Variants in LLGL2 observed in about 807,000 individuals in gnomAD.
LLGL2 encodes the protein LLGL2, scribble cell polarity complex component.
A neutral mutation model predicts 123.2 loss-of-function variants in LLGL2; 81 were observed. That is an observed-to-expected ratio of 0.66 (90% CI 0.55 to 0.79). The LOEUF is 0.79. Among genes scored for constraint, LLGL2 ranks in the 30% least tolerant of loss-of-function variants. The pLI is 0.00. For synonymous variants in LLGL2, 577 were observed against 594.1 expected (o/e 0.97, Z 0.42); for missense variants, 1,273 against 1,414.6 (o/e 0.90, Z 1.61).
At chr17:75,529,091 G>C (rs1044286159) in intron 1 of LLGL2, among the ~76,000 whole-genome samples, 3 of 151,860 alleles carry the variant, frequency 2.0e-5, no homozygotes, top group African/African-American at 7.3e-5. Flanking sequence ...AGGAGGCAGA[G>C]GTTGCAGTGA....
rs576933987 is a variant in LLGL2, at chr17:75,544,364, G to C, written c.75+863G>C. The stretch of plus-strand genomic sequence containing the variant: ...CATGTGGCTTTCGTTGGGGGCTTCC[G>C]TTTGGGCTCCCCTGCCCCCGAAAGG... On this transcript the variant is annotated intron_variant, in intron 2 of 25. Coordinates refer to ENST00000392550, the MANE Select transcript of LLGL2 (RefSeq NM_001031803.2). This position sits in a 1 kb window ranked among gnomAD's most constrained non-coding sequence, Gnocchi z 4.2. 6.6e-6 allele frequency among the ~76,000 whole-genome samples: 1 copy of C among 152,182 alleles called. No individual in the cohort carries two copies. The highest frequency in any genetic ancestry group is 1.9e-4 in the East Asian group (1 of 5,186).
At chr17:75,560,019 G>A (rs1326343920) in intron 6 of LLGL2, among the ~76,000 whole-genome samples, 3 of 152,216 alleles carry the variant, frequency 2.0e-5, no homozygotes, top group Admixed American at 6.5e-5. Context: ...GTCGGTCATG[G>A]TGGAATGATC....
In LLGL2 at chr17:75,570,443, T is replaced by A; in HGVS notation, c.1970T>A (p.Met657Lys). Residue 657 changes from methionine (M) to lysine (K), a missense_variant, in exon 16 of 26, where the codon ATG (methionine) becomes AAG (lysine). By Grantham distance (95) the Met-to-Lys change is moderately conservative. Coordinates refer to ENST00000392550, the MANE Select transcript of LLGL2 (RefSeq NM_001031803.2). ...TCCTTGCGTCAGTCATTCCGCCGGA[T>A]GCGTCGGAGCCGGGTGTCCAGCCGG... The part of the protein sequence containing the change: ...KKSLRQSFRR[M>K]RRSRVSSRKR... 6.3e-7 allele frequency: 1 copy of A among 1,599,698 alleles called. No homozygotes were observed. The highest frequency in any genetic ancestry group is 8.5e-7 in the Non-Finnish European group (1 of 1,174,316).
intron 2 of LLGL2, among the ~76,000 whole-genome samples, chr17:75,550,899 C>T (rs1913551601): frequency 6.6e-6 from 1 of 152,058 alleles, no homozygotes; most frequent in South Asian, 2.1e-4. Context: ...GGACACTAGG[C>T]CCTGGGTTTC....
chr17:75,530,804 C>CT (rs2053758356), intron 1 of LLGL2, among the ~76,000 whole-genome samples: 1 of 152,132 alleles, frequency 6.6e-6, no homozygotes, highest in East Asian at 1.9e-4. Flanking sequence ...GAGTGAGACT[C>CT]TAACTCAAAA....
rs116294831 is a variant in LLGL2, at chr17:75,563,284, C to T, written c.694-47C>T. The T allele has an allele frequency of 3.2e-3, 5,083 of 1,604,654 alleles. 144 individuals carry two copies. In the African/African-American group the frequency reaches 0.059, roughly 19 times the overall value. ...TGGGGTGCAGGCGATGGGAACGCCG[C>T]CTCGGTCCAGCGTGCTGCCCTCTGT... is the stretch of plus-strand genomic sequence containing the variant. On this transcript the variant is annotated intron_variant, in intron 7 of 25. Coordinates refer to ENST00000392550, the MANE Select transcript of LLGL2 (RefSeq NM_001031803.2).
rs367836297 is a variant in LLGL2, at chr17:75,570,304, A to G, written c.1875-44A>G. On this transcript the variant is annotated intron_variant, in intron 15 of 25. Coordinates refer to ENST00000392550, the MANE Select transcript of LLGL2 (RefSeq NM_001031803.2). ...GGGGCTGGGAGTGGGGCCCGCGAGG[A>G]CTCCCAGGACCTAGCAGCACTGACA... 5 of 1,600,896 alleles carry G rather than the reference A, an allele frequency of 3.1e-6. No homozygotes were observed. In the African/African-American group the frequency reaches 6.7e-5, roughly 21 times the overall value.
rs1345417115 is a variant in LLGL2 at position 75,564,803 on chromosome 17, G to A, written c.1036+296G>A. On this transcript the variant is annotated intron_variant, in intron 10 of 25. Coordinates refer to ENST00000392550, the MANE Select transcript of LLGL2 (RefSeq NM_001031803.2). This position sits in a 1 kb window ranked among gnomAD's most constrained non-coding sequence, Gnocchi z 4.9. ...CACTTGAGCCTGGGAGGTGGAGGTTGCAGCGAACCAGGATCATGCTACTGT... is the reference window on the plus strand; with the variant it reads ...CACTTGAGCCTGGGAGGTGGAGGTTACAGCGAACCAGGATCATGCTACTGT... 6.1e-6 allele frequency: 2 copies of A among 330,140 alleles called. No homozygotes were observed. The highest frequency in any genetic ancestry group is 7.5e-5 in the South Asian group (1 of 13,340). The allele number at this position is 330,140 out of a possible 1,614,324, so 20.5% of individuals were successfully genotyped here. A position where few individuals can be genotyped will look rare whatever the true frequency, so the allele number is the denominator to read the frequency against.
chr17:75,563,011 C>T lies in LLGL2; in HGVS notation c.531-5C>T. 2 of 1,611,268 alleles carry T rather than the reference C, an allele frequency of 1.2e-6. No homozygotes were observed. The highest frequency in any genetic ancestry group is 1.7e-6 in the Non-Finnish European group (2 of 1,179,982). On this transcript the variant is annotated splice_region_variant and splice_polypyrimidine_tract_variant and intron_variant, in intron 6 of 25. Coordinates refer to ENST00000392550, the MANE Select transcript of LLGL2 (RefSeq NM_001031803.2). ...TCGGAGGCTCACGGCACTCCCCTCGCCCAGGTTGCCAGAGGAGGCCCGCCA... is the reference window on the plus strand; with the variant it reads ...TCGGAGGCTCACGGCACTCCCCTCGTCCAGGTTGCCAGAGGAGGCCCGCCA...
chr17:75,554,302 CAAA>C (rs72439797), intron 2 of LLGL2, among the ~76,000 whole-genome samples: 3 of 133,966 alleles, frequency 2.2e-5, no homozygotes, highest in Non-Finnish European at 3.1e-5. Flanking sequence ...AACTCCGTCT[CAAA>C]AAAAAAAAAA....
At chr17:75,537,592 G>A (rs1177358359) in intron 1 of LLGL2, among the ~76,000 whole-genome samples, 1 of 152,022 alleles carries the variant, frequency 6.6e-6, no homozygotes, top group African/African-American at 2.4e-5. Flanking sequence ...CAGCTACTTG[G>A]GAGGCTGAGG....
intron 2 of LLGL2, chr17:75,546,308 G>A (rs1348466369): frequency 1.3e-5 from 2 of 152,592 alleles, no homozygotes; most frequent in Admixed American, 6.5e-5. Context: ...TTTTTGGAGA[G>A]GCAGCTTGCC....
At position 75,559,155 on chromosome 17, in the gene LLGL2, C is replaced by T. The variant is rs564948094; in HGVS notation, c.372-97C>T. 10 of 1,268,916 alleles carry T rather than the reference C, an allele frequency of 7.9e-6. No homozygotes were observed. The African/African-American group carries it at 1.5e-4, about 19-fold the overall frequency. 78.6% of individuals were successfully genotyped at this position (1,268,916 alleles called of 1,614,324 possible). Reference sequence around the variant, plus strand: ...GAAATGTTATGACCTCATTAAAGGGCCTTATGGGCTTGTTTTCCGAGGAGT... The same window carrying T: ...GAAATGTTATGACCTCATTAAAGGGTCTTATGGGCTTGTTTTCCGAGGAGT... On this transcript the variant is annotated intron_variant, in intron 5 of 25. Coordinates refer to ENST00000392550, the MANE Select transcript of LLGL2 (RefSeq NM_001031803.2). The surrounding 1 kb of genome is among the most constrained non-coding windows in gnomAD (Gnocchi z 4.6).
intron 1 of LLGL2, among the ~76,000 whole-genome samples, chr17:75,533,358 G>C (rs1035681233): frequency 7.8e-6 from 1 of 128,632 alleles, no homozygotes; most frequent in Admixed American, 8.8e-5. Context: ...TGGCTGGAGT[G>C]CAGTGGCACG....
rs757776177 is a variant in LLGL2, at chr17:75,559,215, G to T, written c.372-37G>T. Reference sequence around the variant, plus strand: ...CCGTCCATGGCATCTCCCCTGCTGGGCAGTGGTCGGCTCACGGGCAGCTGT... The same window carrying T: ...CCGTCCATGGCATCTCCCCTGCTGGTCAGTGGTCGGCTCACGGGCAGCTGT... On this transcript the variant is annotated intron_variant, in intron 5 of 25. Coordinates refer to ENST00000392550, the MANE Select transcript of LLGL2 (RefSeq NM_001031803.2). This position sits in a 1 kb window ranked among gnomAD's most constrained non-coding sequence, Gnocchi z 4.6. The T allele has an allele frequency of 6.4e-7, 1 of 1,551,080 alleles. No individual in the cohort carries two copies. The highest frequency in any genetic ancestry group is 2.0e-5 in the Admixed American group (1 of 51,056).
At chr17:75,574,363 C>G in intron 23 of LLGL2, 90 bp from the exon 24 acceptor site, 1 of 1,535,336 alleles carries the variant, frequency 6.5e-7, no homozygotes, top group Non-Finnish European at 8.8e-7. Context: ...GGGTACAGAT[C>G]CATGGGCACC....
chr17:75,547,030 T>G (rs1420993936), intron 2 of LLGL2, among the ~76,000 whole-genome samples: 3 of 152,182 alleles, frequency 2.0e-5, no homozygotes, highest in Non-Finnish European at 4.4e-5. Flanking sequence ...GCTGGGACAG[T>G]GGCGCCATCA....
rs561633172 is a variant in LLGL2, at chr17:75,564,824, A to G, written c.1036+317A>G. 64 of 273,170 alleles carry G rather than the reference A, an allele frequency of 2.3e-4. 1 individual carries two copies. Among genetic ancestry groups the G allele is most frequent in the African/African-American group, 1.4e-3 (61 of 43,614 alleles). The allele number at this position is 273,170 out of a possible 1,614,324, so 16.9% of individuals were successfully genotyped here. A position where few individuals can be genotyped will look rare whatever the true frequency, so the allele number is the denominator to read the frequency against. ...GGTTGCAGCGAACCAGGATCATGCTACTGTACTCAGCCTGGGTGACATAGC... is the reference window on the plus strand; with the variant it reads ...GGTTGCAGCGAACCAGGATCATGCTGCTGTACTCAGCCTGGGTGACATAGC... On this transcript the variant is annotated intron_variant, in intron 10 of 25. Transcript: ENST00000392550. This position sits in a 1 kb window ranked among gnomAD's most constrained non-coding sequence, Gnocchi z 4.9.
intron 21 of LLGL2, 78 bp downstream of exon 21, chr17:75,573,709 C>G (rs2055839708): frequency 3.5e-6 from 5 of 1,426,788 alleles, no homozygotes; most frequent in East Asian, 2.5e-5. Context: ...GCTCCCACTG[C>G]TGCCTGGCTG....
Sources: allele counts gnomAD v4.1 joint callset (sites outside exome capture counted in the v4.1 genomes callset), GRCh38; gene constraint gnomAD v4.1.1; non-coding constraint Gnocchi (gnomAD v3.1); transcripts MANE v1.5; gene names NCBI Gene and HGNC (gene_info 2026-07-23, HGNC 2026-07-21).